The following DPF3 variants were observed in gnomAD, a reference collection of about 807,000 sequenced individuals.
The protein encoded by DPF3 is double PHD fingers 3, also known as zinc finger protein DPF3.
Under a neutral mutation model 56.8 loss-of-function variants are expected in DPF3, and 18 were observed. That is an observed-to-expected ratio of 0.32 (90% CI 0.22 to 0.47). The LOEUF is 0.47. Ranked by LOEUF, DPF3 falls within the 20% of genes least tolerant of loss-of-function variation. The pLI is 1.00. For synonymous variants in DPF3, 188 were observed against 180.2 expected, an observed-to-expected ratio of 1.04 and a Z score of -0.35; for missense variants, 403 against 488.8, an observed-to-expected ratio of 0.82 and a Z score of 1.65.
chr14:72,710,587 TG>T (rs1032633823), intron 6 of DPF3, among the ~76,000 whole-genome samples: 2 of 152,224 alleles, frequency 1.3e-5, no homozygotes, highest in African/African-American at 4.8e-5. Flanking sequence ...GCAGGCCCCT[TG>T]GCCTTCCCTC....
chr14:72,876,523 CT>C (rs1886122436), intron 1 of DPF3, among the ~76,000 whole-genome samples: 1 of 152,152 alleles, frequency 6.6e-6, no homozygotes, highest in Admixed American at 6.5e-5. Context: ...TTTTTCCCTT[CT>C]GTTCACGGAC....
intron 2 of DPF3, among the ~76,000 whole-genome samples, chr14:72,759,259 C>T (rs1474680235): frequency 6.6e-6 from 1 of 151,872 alleles, no homozygotes; most frequent in African/African-American, 2.4e-5. Flanking sequence ...CAAAATGAAA[C>T]CCACAGGAAA....
At chr14:72,877,975 G>A (rs1886181187) in intron 1 of DPF3, among the ~76,000 whole-genome samples, 1 of 152,230 alleles carries the variant, frequency 6.6e-6, no homozygotes, top group South Asian at 2.1e-4. Flanking sequence ...GATTGAGGGA[G>A]ACTTACCTTT....
chr14:72,669,327 C>A (rs1456342628), intron 8 of DPF3, among the ~76,000 whole-genome samples: 1 of 152,210 alleles, frequency 6.6e-6, no homozygotes, highest in Non-Finnish European at 1.5e-5. Flanking sequence ...TTGGGTCTCC[C>A]AACCCATGTC....
At chr14:72,795,210 G>A (rs1417488974) in intron 1 of DPF3, among the ~76,000 whole-genome samples, 1 of 149,822 alleles carries the variant, frequency 6.7e-6, no homozygotes, top group African/African-American at 2.5e-5. Context: ...TCAAAGCAAT[G>A]GTGAAGAATT....
chr14:72,827,127 C>G (rs1883843763), intron 1 of DPF3, among the ~76,000 whole-genome samples: 1 of 143,606 alleles, frequency 7.0e-6, no homozygotes, highest in African/African-American at 2.6e-5. Flanking sequence ...ATAAGTCCAG[C>G]TTCTTTTTCC....
chr14:72,770,137 G>A (rs1429559527), intron 2 of DPF3, among the ~76,000 whole-genome samples: 4 of 152,146 alleles, frequency 2.6e-5, no homozygotes, highest in African/African-American at 9.7e-5. Context: ...CAGACTGTAT[G>A]AGCCTCTTGA....
intron 1 of DPF3, among the ~76,000 whole-genome samples, chr14:72,850,726 T>C (rs1043266224): frequency 1.3e-5 from 2 of 152,202 alleles, no homozygotes; most frequent in African/African-American, 4.8e-5. Flanking sequence ...TTATACACCC[T>C]GAAGCTGCTG....
intron 7 of DPF3, among the ~76,000 whole-genome samples, chr14:72,684,382 C>T (rs1056059964): frequency 1.3e-5 from 2 of 152,026 alleles, no homozygotes; most frequent in Admixed American, 6.6e-5. Flanking sequence ...TTTTAACAAC[C>T]CAGGCAGAAG....
At chr14:72,756,935 G>GA (rs1567223094) in intron 2 of DPF3, among the ~76,000 whole-genome samples, 12 of 53,504 alleles carry the variant, frequency 2.2e-4, no homozygotes, top group Admixed American at 6.0e-4. Flanking sequence ...AGAAAGAAGA[G>GA]AAGAGAAGAG....
chr14:72,806,712 T>C (rs992680522), intron 1 of DPF3: 1 of 152,204 alleles, frequency 6.6e-6, no homozygotes, highest in Admixed American at 6.5e-5. Flanking sequence ...TGCTTTTTTA[T>C]GTCCTTCCCA....
chr14:72,766,496 G>A (rs1182971078), intron 2 of DPF3, among the ~76,000 whole-genome samples: 1 of 152,144 alleles, frequency 6.6e-6, no homozygotes, highest in African/African-American at 2.4e-5. Flanking sequence ...CTGTAGCCTG[G>A]GCTGGAGTGC....
At chr14:72,623,021 T>G (rs545681050) in intron 9 of DPF3, among the ~76,000 whole-genome samples, 1 of 152,304 alleles carries the variant, frequency 6.6e-6, no homozygotes, top group East Asian at 1.9e-4. Context: ...GTCTATATAT[T>G]CCTCCAGATT....
intron 7 of DPF3, among the ~76,000 whole-genome samples, chr14:72,681,313 G>A (rs569863609): frequency 3.9e-4 from 60 of 152,176 alleles, no homozygotes; most frequent in Non-Finnish European, 7.2e-4. Context: ...AAATATTGGA[G>A]CCCCTTGGAG....
intron 2 of DPF3, among the ~76,000 whole-genome samples, chr14:72,768,222 A>T (rs1240791441): frequency 6.6e-6 from 1 of 152,212 alleles, no homozygotes; most frequent in Non-Finnish European, 1.5e-5. Context: ...AAAACAACGA[A>T]GGAGTAAAAA....
At chr14:72,881,245 T>C (rs1037998081) in intron 1 of DPF3, among the ~76,000 whole-genome samples, 23 of 152,300 alleles carry the variant, frequency 1.5e-4, no homozygotes, top group African/African-American at 5.3e-4. Context: ...CTCACTCCCT[T>C]ACAGAGGCAT....
chr14:72,771,582 T>C, intron 2 of DPF3, 151 bp downstream of exon 2: 2 of 685,958 alleles, frequency 2.9e-6, no homozygotes, highest in Non-Finnish European at 2.0e-6. Flanking sequence ...TAAAAGTAGC[T>C]GAGCTTCTTT....
chr14:72,874,492 G>A (rs1886032514), intron 1 of DPF3, among the ~76,000 whole-genome samples: 1 of 150,918 alleles, frequency 6.6e-6, no homozygotes. Flanking sequence ...AAAAAAAAAA[G>A]AAAAAGAAAG....
At position 72,709,881 on chromosome 14, in the gene DPF3, T is replaced by C. The variant is rs190278282; in HGVS notation, c.604+4542A>G. On this transcript the variant is annotated intron_variant, in intron 6 of 10. Coordinates refer to ENST00000556509, the MANE Select transcript of DPF3 (RefSeq NM_001280542.3). The stretch of plus-strand genomic sequence containing the variant: ...CGCTCTACACACCCTAAGCACCTAC[T>C]CACAGGAATTAAGACCATGATTCAG... 1.9e-4 allele frequency among the ~76,000 whole-genome samples: 29 copies of C among 152,310 alleles called. 1 individual carries two copies. The South Asian group carries it at 4.1e-3, about 22-fold the overall frequency.
Sources: gnomAD v4.1 joint callset for allele counts (sites outside exome capture counted in the v4.1 genomes callset) on GRCh38, gnomAD v4.1.1 for gene constraint, MANE v1.5 for transcripts, NCBI Gene and HGNC (gene_info 2026-07-23, HGNC 2026-07-21) for gene names.